DCDC2: variants seen among roughly 807,000 people sequenced by gnomAD.
The protein encoded by DCDC2 is doublecortin domain containing 2.
A neutral mutation model predicts 50.2 loss-of-function variants in DCDC2; 40 were observed. That is an observed-to-expected ratio of 0.80 (90% CI 0.62 to 1.04). The LOEUF (loss-of-function observed/expected upper bound fraction) is 1.04, where lower values mean the gene tolerates loss of function less well. Ranked by LOEUF, DCDC2 falls within the 50% of genes least tolerant of loss-of-function variation. The pLI, the probability that DCDC2 is intolerant of heterozygous loss-of-function variation, is 0.00. For synonymous variants in DCDC2, 234 were observed against 210.6 expected (o/e 1.11, Z -0.96); for missense variants, 570 against 581.9 (o/e 0.98, Z 0.21).
Position 24,213,234 on chromosome 6 carries a change from A to C in DCDC2, c.923-8132T>G, listed in dbSNP as rs187901436. ...TGAGTAAGAAGAAAACTAATATCAT[A>C]ATGTCCAGTTCTAAATACTTTATAA... On this transcript the variant is annotated intron_variant, in intron 7 of 9. Coordinates refer to ENST00000378454, the MANE Select transcript of DCDC2 (RefSeq NM_016356.5). Among the ~76,000 whole-genome samples the C allele has an allele frequency of 6.6e-5, 10 of 152,316 alleles. No homozygotes were observed. In the East Asian group the frequency reaches 1.9e-3, roughly 29 times the overall value.
At chr6:24,177,532 T>G in intron 9 of DCDC2, among the ~76,000 whole-genome samples, 1 of 152,134 alleles carries the variant, frequency 6.6e-6, no homozygotes, top group East Asian at 1.9e-4. Context: ...AACTGACGGA[T>G]AGACAGGAAG....
chr6:24,303,568 A>C (rs1358427122), intron 2 of DCDC2, among the ~76,000 whole-genome samples: 2 of 152,194 alleles, frequency 1.3e-5, no homozygotes, highest in Non-Finnish European at 2.9e-5. Flanking sequence ...TCAAACTGCT[A>C]CAGCTACTAT....
chr6:24,254,261 T>C (rs910878244), intron 7 of DCDC2, among the ~76,000 whole-genome samples: 6 of 152,154 alleles, frequency 3.9e-5, no homozygotes, highest in African/African-American at 1.2e-4. Context: ...CTTTTATAAG[T>C]AGGAATACAG....
intron 7 of DCDC2, among the ~76,000 whole-genome samples, chr6:24,262,357 A>T (rs1214115913): frequency 6.6e-6 from 1 of 152,248 alleles, no homozygotes; most frequent in Admixed American, 6.5e-5. Context: ...AACTAGCCCC[A>T]TCACTGAGGG....
intron 7 of DCDC2, among the ~76,000 whole-genome samples, chr6:24,228,381 A>G (rs1445556835): frequency 6.6e-6 from 1 of 152,246 alleles, no homozygotes; most frequent in East Asian, 1.9e-4. Context: ...TTTATTTTGT[A>G]AAGTTAAGTC....
At chr6:24,310,926 G>T (rs1759560473) in intron 2 of DCDC2, among the ~76,000 whole-genome samples, 1 of 151,882 alleles carries the variant, frequency 6.6e-6, no homozygotes, top group Admixed American at 6.6e-5. Context: ...CTTCTTACCT[G>T]CCCCCACAGC....
At chr6:24,353,548 T>G in intron 2 of DCDC2, 21 bp downstream of exon 2, 2 of 1,484,792 alleles carry the variant, frequency 1.3e-6, no homozygotes, top group Non-Finnish European at 1.9e-6. Context: ...ATTTGAATTT[T>G]CAAAATAATA....
intron 8 of DCDC2, among the ~76,000 whole-genome samples, chr6:24,193,293 T>C (rs1199199920): frequency 2.0e-5 from 3 of 151,890 alleles, no homozygotes; most frequent in Admixed American, 6.6e-5. Flanking sequence ...GAGGAAGACA[T>C]AGAATCCAAA....
At chr6:24,382,941 G>T in the DCDC2 span, among the ~76,000 whole-genome samples, 2 of 152,128 alleles carry the variant, frequency 1.3e-5, no homozygotes, top group Admixed American at 6.6e-5. Context: ...AGGTCAAACA[G>T]TACTATCTCT....
At chr6:24,357,367 A>T (rs1259396175) in intron 1 of DCDC2, 91 bp downstream of exon 1, 69 of 1,400,590 alleles carry the variant, frequency 4.9e-5, no homozygotes, top group Non-Finnish European at 6.6e-5. Context: ...TCAACCACTG[A>T]GGTGTGGGGG....
At chr6:24,308,446 G>A (rs937558056) in intron 2 of DCDC2, among the ~76,000 whole-genome samples, 39 of 152,066 alleles carry the variant, frequency 2.6e-4, no homozygotes, top group Non-Finnish European at 1.8e-4. Context: ...ATAGAAGAAG[G>A]GGACATGCTT....
intron 7 of DCDC2, among the ~76,000 whole-genome samples, chr6:24,250,406 T>A (rs1581611481): frequency 6.6e-6 from 1 of 152,108 alleles, no homozygotes; most frequent in Admixed American, 6.6e-5. Context: ...AGCACTAGGG[T>A]GGGCCTGCTG....
At chr6:24,196,586 A>T (rs1265453858) in intron 8 of DCDC2, among the ~76,000 whole-genome samples, 1 of 151,920 alleles carries the variant, frequency 6.6e-6, no homozygotes, top group Non-Finnish European at 1.5e-5. Context: ...ACACCTGGTT[A>T]ATTTTTTGTA....
chr6:24,250,870 C>T (rs542954217), intron 7 of DCDC2, among the ~76,000 whole-genome samples: 6 of 152,100 alleles, frequency 3.9e-5, no homozygotes, highest in East Asian at 1.9e-4. Context: ...GTGTCACAAG[C>T]GATGAAAAAT....
intron 7 of DCDC2, among the ~76,000 whole-genome samples, chr6:24,263,234 C>T (rs182736558): frequency 7.9e-5 from 12 of 152,316 alleles, no homozygotes; most frequent in African/African-American, 2.6e-4. Context: ...ACACACAACA[C>T]ACTTGGAATA....
At chr6:24,273,846 A>G (rs1319891124) in intron 7 of DCDC2, among the ~76,000 whole-genome samples, 1 of 152,252 alleles carries the variant, frequency 6.6e-6, no homozygotes, top group Non-Finnish European at 1.5e-5. Flanking sequence ...GCTCAAGGGC[A>G]GTCACCCAAC....
chr6:24,316,853 T>C lies in DCDC2; in HGVS notation c.349-14809A>G, dbSNP rs183167414. Among the ~76,000 whole-genome samples, 16 of 152,094 alleles carry C rather than the reference T, an allele frequency of 1.1e-4. No homozygotes were observed. In the East Asian group the frequency reaches 2.9e-3, roughly 28 times the overall value. On this transcript the variant is annotated intron_variant, in intron 2 of 9. Coordinates refer to ENST00000378454, the MANE Select transcript of DCDC2 (RefSeq NM_016356.5). ...CTCAATAAAACAGTATATATTGCTA[T>C]CAAAAATGATGACAAAGACGATGCA...
intron 2 of DCDC2, among the ~76,000 whole-genome samples, chr6:24,325,808 T>G (rs552248822): frequency 6.7e-6 from 1 of 149,280 alleles, no homozygotes; most frequent in South Asian, 2.3e-4. Flanking sequence ...ATATATATAT[T>G]ATACATGTGA....
intron 7 of DCDC2, among the ~76,000 whole-genome samples, chr6:24,246,115 C>T (rs1482633822): frequency 1.3e-5 from 2 of 151,948 alleles, no homozygotes; most frequent in East Asian, 1.9e-4. Flanking sequence ...TATAAGCCAC[C>T]GCGCCCGGCC....
Sources: gnomAD v4.1 joint callset for allele counts (sites outside exome capture counted in the v4.1 genomes callset) on GRCh38, gnomAD v4.1.1 for gene constraint, MANE v1.5 for transcripts, NCBI Gene and HGNC (gene_info 2026-07-23, HGNC 2026-07-21) for gene names.